TRIM5: variants seen among roughly 807,000 people sequenced by gnomAD.
The protein encoded by TRIM5 is tripartite motif containing 5.
TRIM5 carries 31 observed loss-of-function variants against 35.6 expected under a neutral mutation model. The ratio of observed to expected loss-of-function variants is 0.87; its 90% CI spans 0.65 to 1.18. The LOEUF (loss-of-function observed/expected upper bound fraction) is 1.18. TRIM5 is among the 50% of genes most tolerant of loss of function. The pLI, the probability that TRIM5 is intolerant of heterozygous loss-of-function variation, is 0.00. For synonymous variants in TRIM5, 243 were observed against 215.6 expected, an observed-to-expected ratio of 1.13 and a Z score of -1.11; for missense variants, 609 against 591.6, an observed-to-expected ratio of 1.03 and a Z score of -0.31.
rs61303135 is a variant in TRIM5 at position 5,664,607 on chromosome 11, T to A, written c.*202A>T. ...GGAGTACGGAAAATGATGAAAAAAA[T>A]TGCTATCAAATGTCAATAAAATATT... On this transcript the variant is annotated 3_prime_UTR_variant, in exon 8 of 8. Coordinates refer to ENST00000380034, the MANE Select transcript of TRIM5 (RefSeq NM_033034.3). 7 of 1,304,054 alleles carry A rather than the reference T, an allele frequency of 5.4e-6. No homozygotes were observed. The highest frequency in any genetic ancestry group is 3.7e-5 in the Admixed American group (1 of 26,960). The allele number at this position is 1,304,054 out of a possible 1,614,324, so 80.8% of individuals were successfully genotyped here. A position where few individuals can be genotyped will look rare whatever the true frequency, so the allele number is the denominator to read the frequency against.
At chr11:5,643,437 G>C in the TRIM5 span, 9 of 1,614,154 alleles carry the variant, frequency 5.6e-6, no homozygotes, top group Non-Finnish European at 7.6e-6. Flanking sequence ...TGGCTACTGG[G>C]TTATAGGGTT....
rs775487252 is a variant in TRIM5 at position 5,679,901 on chromosome 11, C to G, written c.277G>C (p.Asp93His). ...TTCTCTCCATGGCGTGCACAATGATCAACTTTCTGCCCCTCTGGGCTCAAC... is the reference window on the plus strand; with the variant it reads ...TTCTCTCCATGGCGTGCACAATGATGAACTTTCTGCCCCTCTGGGCTCAAC... ...VKLSPEGQKV[D>H]HCARHGEKLL... Residue 93 changes from aspartate to histidine, a missense_variant, in exon 2 of 8, where the codon GAT (aspartate) becomes CAT (histidine). By Grantham distance (81) the Asp-to-His change is moderately conservative. Transcript: ENST00000380034. 30 of 1,613,904 alleles carry G rather than the reference C, an allele frequency of 1.9e-5. No homozygotes were observed. The highest frequency in any genetic ancestry group is 2.5e-5 in the Non-Finnish European group (29 of 1,180,024).
At chr11:5,643,542 G>A in the TRIM5 span, 4 of 1,614,130 alleles carry the variant, frequency 2.5e-6, no homozygotes, top group South Asian at 4.4e-5. Flanking sequence ...CTGCCGTGTT[G>A]GGGTTTTCCT....
chr11:5,648,469 G>A, the TRIM5 span, among the ~76,000 whole-genome samples: 1 of 151,940 alleles, frequency 6.6e-6, no homozygotes, highest in Admixed American at 6.6e-5. Context: ...TCGCGCCACT[G>A]CACTCCAGCC....
chr11:5,635,890 T>C, the TRIM5 span, among the ~76,000 whole-genome samples: 1 of 152,208 alleles, frequency 6.6e-6, no homozygotes, highest in Non-Finnish European at 1.5e-5. Flanking sequence ...CAATACCAAG[T>C]GTTTGGGAAG....
At chr11:5,626,882 C>CA in the TRIM5 span, 11,590 of 127,922 alleles carry the variant, frequency 0.091, 590 homozygotes, top group East Asian at 0.18. Flanking sequence ...GACTCTGTCT[C>CA]AAAAAAAAAA....
chr11:5,630,845 C>T, the TRIM5 span, among the ~76,000 whole-genome samples: 1 of 152,170 alleles, frequency 6.6e-6, no homozygotes, highest in Non-Finnish European at 1.5e-5. Flanking sequence ...CTGGCTAATA[C>T]CATCTGTTCA....
chr11:5,656,931 T>A, the TRIM5 span, among the ~76,000 whole-genome samples: 1,777 of 152,260 alleles, frequency 0.012, 20 homozygotes, highest in African/African-American at 0.036. Flanking sequence ...GAACCAGAAA[T>A]ACCATTTGAC....
the TRIM5 span, chr11:5,642,681 C>G: frequency 7.6e-7 from 1 of 1,318,968 alleles, no homozygotes; most frequent in African/African-American, 2.0e-5. Context: ...GGCTAGGTCT[C>G]TGGTTTATCT....
chr11:5,618,471 T>G, the TRIM5 span, among the ~76,000 whole-genome samples: 1 of 152,212 alleles, frequency 6.6e-6, no homozygotes, highest in African/African-American at 2.4e-5. Context: ...TACTCATAAA[T>G]GATATAAGTA....
chr11:5,634,534 T>G, the TRIM5 span: 1 of 618,374 alleles, frequency 1.6e-6, no homozygotes, highest in Non-Finnish European at 2.4e-6. Flanking sequence ...CACACACATA[T>G]ATATATATAT....
the TRIM5 span, chr11:5,642,654 T>C: frequency 7.3e-7 from 1 of 1,378,490 alleles, no homozygotes; most frequent in African/African-American, 1.5e-5. Context: ...AGGATGCATT[T>C]ATATGTAAGG....
At chr11:5,636,108 A>G in the TRIM5 span, among the ~76,000 whole-genome samples, 37 of 152,366 alleles carry the variant, frequency 2.4e-4, no homozygotes, top group Admixed American at 2.2e-3. Context: ...AGTATTGTTC[A>G]TAAATAAAAC....
At chr11:5,637,049 T>C in the TRIM5 span, among the ~76,000 whole-genome samples, 1 of 152,186 alleles carries the variant, frequency 6.6e-6, no homozygotes, top group Non-Finnish European at 1.5e-5. Flanking sequence ...GGCGGCTGCC[T>C]GTAGTCCCAG....
chr11:5,641,516 T>C, the TRIM5 span, among the ~76,000 whole-genome samples: 3 of 152,212 alleles, frequency 2.0e-5, no homozygotes, highest in Non-Finnish European at 2.9e-5. Flanking sequence ...GGATCTTTTA[T>C]TTTATATGTG....
chr11:5,610,084 A>G, the TRIM5 span: 2 of 1,569,896 alleles, frequency 1.3e-6, no homozygotes, highest in Non-Finnish European at 1.8e-6. Flanking sequence ...GGTAAGGGAG[A>G]TGGGTGGTGG....
chr11:5,657,337 C>A, the TRIM5 span, among the ~76,000 whole-genome samples: 8 of 151,262 alleles, frequency 5.3e-5, no homozygotes, highest in Middle Eastern at 3.4e-3. Flanking sequence ...GAAGGGATCG[C>A]ATTAGGATAA....
At chr11:5,670,303 G>C (rs997553949) in intron 4 of TRIM5, among the ~76,000 whole-genome samples, 1 of 148,438 alleles carries the variant, frequency 6.7e-6, no homozygotes, top group Non-Finnish European at 1.5e-5. Context: ...TCAGCCTCCC[G>C]AGTAGCTGGG....
Position 5,664,230 on chromosome 11 carries a change from A to G in TRIM5, c.*579T>C, listed in dbSNP as rs1338575023. On this transcript the variant is annotated 3_prime_UTR_variant, in exon 8 of 8. Coordinates refer to ENST00000380034, the MANE Select transcript of TRIM5 (RefSeq NM_033034.3). ...AAAAAAAAAAAAGAAAAAAGAAAAGAAAAGGAAATAAGCACAGCCATTTAA... is the reference window on the plus strand; with the variant it reads ...AAAAAAAAAAAAGAAAAAAGAAAAGGAAAGGAAATAAGCACAGCCATTTAA... 1.0e-6 allele frequency: 1 copy of G among 983,630 alleles called. No individual in the cohort carries two copies. Among genetic ancestry groups the G allele is most frequent in the African/African-American group, 1.8e-5 (1 of 57,142 alleles). 60.9% of individuals were successfully genotyped at this position (983,630 alleles called of 1,614,324 possible).
Sources: allele counts gnomAD v4.1 joint callset (sites outside exome capture counted in the v4.1 genomes callset), GRCh38; gene constraint gnomAD v4.1.1; transcripts MANE v1.5; gene names NCBI Gene and HGNC (gene_info 2026-07-23, HGNC 2026-07-21).